Variants in XIRP2 observed in about 807,000 individuals in gnomAD.
XIRP2 encodes xin actin-binding repeat-containing protein 2.
In XIRP2, 236 loss-of-function variants were observed where a neutral mutation model predicts 277.0. That is an observed-to-expected ratio of 0.85 (90% CI 0.77 to 0.95). The LOEUF (loss-of-function observed/expected upper bound fraction) is 0.95. XIRP2 is among the 40% of genes least tolerant of loss of function. The pLI is 0.00. For synonymous variants in XIRP2, 1,490 were observed against 1,416.5 expected, an observed-to-expected ratio of 1.05 and a Z score of -1.17; for missense variants, 4,640 against 4,157.5, an observed-to-expected ratio of 1.12 and a Z score of -3.19.
chr2:167,228,053 C>T (rs1280830755), intron 5 of XIRP2, among the ~76,000 whole-genome samples: 3 of 152,108 alleles, frequency 2.0e-5, no homozygotes. Context: ...TGTAGTGAAA[C>T]TGCCTATAGT....
At chr2:166,978,994 A>G (rs1024452169) in intron 2 of XIRP2, among the ~76,000 whole-genome samples, 1 of 152,172 alleles carries the variant, frequency 6.6e-6, no homozygotes, top group Admixed American at 6.5e-5. Flanking sequence ...AAGCTTTTCC[A>G]TATTATTCTT....
chr2:167,161,321 G>A (rs1054092346), intron 3 of XIRP2, among the ~76,000 whole-genome samples: 5 of 152,236 alleles, frequency 3.3e-5, no homozygotes, highest in African/African-American at 1.2e-4. Flanking sequence ...CTCTGTGTGG[G>A]TGCTCTGATC....
intron 2 of XIRP2, among the ~76,000 whole-genome samples, chr2:167,047,568 G>T (rs1334592778): frequency 2.0e-5 from 3 of 151,854 alleles, no homozygotes; most frequent in Non-Finnish European, 4.4e-5. Flanking sequence ...AAATTATTCA[G>T]AAATATGGAG....
In XIRP2 at chr2:167,184,471, C is replaced by T. The variant is rs1693100259; in HGVS notation, c.563-26264C>T. ...ACAGAAAATAGAATTTGAGATCCCT[C>T]GCTTCTTCAGTTTTGTTGCTCCAGT... On this transcript the variant is annotated intron_variant, in intron 3 of 10. Coordinates refer to ENST00000409195, the MANE Select transcript of XIRP2 (RefSeq NM_152381.6). The T allele has an allele frequency of 2.4e-5, 16 of 671,448 alleles. 1 individual carries two copies. The South Asian group carries it at 2.5e-4, about 11-fold the overall frequency. The allele number at this position is 671,448 out of a possible 1,614,324, so 41.6% of individuals were successfully genotyped here.
At chr2:167,149,309 A>T (rs1369292182) in intron 3 of XIRP2, among the ~76,000 whole-genome samples, 1 of 152,200 alleles carries the variant, frequency 6.6e-6, no homozygotes, top group Non-Finnish European at 1.5e-5. Context: ...CATGCTTTCA[A>T]CTGGGGTCTC....
chr2:166,902,954 A>G (rs1188782982), intron 1 of XIRP2, among the ~76,000 whole-genome samples: 1 of 152,142 alleles, frequency 6.6e-6, no homozygotes, highest in Non-Finnish European at 1.5e-5. Context: ...TTGCCTGACA[A>G]CAAAAACTTA....
At chr2:167,155,751 A>G (rs10930262) in intron 3 of XIRP2, among the ~76,000 whole-genome samples, 1,873 of 151,940 alleles carry the variant, frequency 0.012, 34 homozygotes, top group South Asian at 0.062. Context: ...GGCCAGGGCA[A>G]TTAGGCAGGA....
At chr2:166,968,745 AT>A (rs981718488) in intron 2 of XIRP2, among the ~76,000 whole-genome samples, 34 of 151,380 alleles carry the variant, frequency 2.2e-4, no homozygotes, top group African/African-American at 6.8e-4. Flanking sequence ...AAAAAATTTG[AT>A]TTTTTTTTCT....
chr2:167,251,361 A>C lies in XIRP2; in HGVS notation c.9969A>C (p.Glu3323Asp), dbSNP rs113296821. 61 of 1,613,590 alleles carry C rather than the reference A, an allele frequency of 3.8e-5. 1 individual carries two copies. In the African/African-American group the frequency reaches 4.4e-4, roughly 12 times the overall value. ...CCAACCGAACTGTTCAAATGGCTGA[A>C]AATTTCGTGAATGACCCTGAAAATG... ...EAANRTVQMA[E>D]NFVNDPENEI... is the part of the protein sequence containing the mutation. Residue 3323 changes from glutamate to aspartate, a missense_variant, in exon 9 of 11, where the codon GAA becomes GAC. Glu to Asp is a conservative substitution (Grantham distance 45). Transcript: ENST00000409195.
intron 2 of XIRP2, among the ~76,000 whole-genome samples, chr2:167,092,202 A>G (rs891211017): frequency 1.3e-5 from 2 of 152,148 alleles, no homozygotes; most frequent in South Asian, 2.1e-4. Context: ...CCCATTCTAT[A>G]TATCACAATT....
intron 3 of XIRP2, among the ~76,000 whole-genome samples, chr2:167,170,850 C>G (rs1473425512): frequency 2.1e-5 from 3 of 145,074 alleles, no homozygotes; most frequent in Non-Finnish European, 4.5e-5. Context: ...TTTTACTCTT[C>G]TTTTTTCAGC....
rs184787519 is a variant in XIRP2 at position 167,173,648 on chromosome 2, A to G, written c.563-37087A>G. On this transcript the variant is annotated intron_variant, in intron 3 of 10. Transcript: ENST00000409195. ...TTCCCTTTTTTGAGGAAATATACCC[A>G]GCAGTGGGATTGTTGGATAGTATGG... is the stretch of plus-strand genomic sequence containing the variant. Among the ~76,000 whole-genome samples the G allele has an allele frequency of 2.4e-3, 365 of 152,278 alleles. 1 individual carries two copies. Among genetic ancestry groups the G allele is most frequent in the Admixed American group, 5.8e-3 (89 of 15,296 alleles).
At chr2:167,088,540 C>T (rs1476915276) in intron 2 of XIRP2, among the ~76,000 whole-genome samples, 1 of 152,116 alleles carries the variant, frequency 6.6e-6, no homozygotes, top group African/African-American at 2.4e-5. Context: ...TATCAAGCCC[C>T]AGATTTGAAA....
chr2:166,917,940 C>G (rs975018599), intron 2 of XIRP2, among the ~76,000 whole-genome samples: 2 of 152,116 alleles, frequency 1.3e-5, no homozygotes, highest in African/African-American at 4.8e-5. Flanking sequence ...TTTTCATACT[C>G]TATCAGGTTC....
At chr2:167,019,340 G>A (rs910542501) in intron 2 of XIRP2, among the ~76,000 whole-genome samples, 33 of 152,062 alleles carry the variant, frequency 2.2e-4, no homozygotes, top group East Asian at 1.7e-3. Context: ...AAAGAATAGC[G>A]ACCCCAATAA....
intron 2 of XIRP2, among the ~76,000 whole-genome samples, chr2:167,133,888 A>G (rs1189653310): frequency 6.6e-6 from 1 of 152,062 alleles, no homozygotes; most frequent in Non-Finnish European, 1.5e-5. Context: ...CAACAGCATG[A>G]TACCTCACTA....
chr2:167,242,960 A>G lies in XIRP2; in HGVS notation c.1568A>G (p.Glu523Gly). The part of the protein sequence containing the change: ...LEKDYISEVS[E>G]IVSSQMNSGS... ...AAAGATTATATCAGTGAAGTTTCTG[A>G]GATTGTTTCTAGTCAAATGAACTCA... The change falls in exon 9 of 11, where the codon GAG (glutamate) becomes GGG (glycine). Residue 523 changes from glutamate to glycine, a missense_variant. Glu to Gly is a moderately conservative substitution (Grantham distance 98, BLOSUM62 -2). Transcript: ENST00000409195. 6.2e-7 allele frequency: 1 copy of G among 1,613,854 alleles called. No homozygotes were observed. The highest frequency in any genetic ancestry group is 8.5e-7 in the Non-Finnish European group (1 of 1,179,922).
intron 4 of XIRP2, among the ~76,000 whole-genome samples, chr2:167,215,588 A>T (rs776288595): frequency 6.6e-6 from 1 of 152,170 alleles, no homozygotes; most frequent in Non-Finnish European, 1.5e-5. Context: ...AGTCCATGGT[A>T]TAGAAACCTC....
chr2:166,964,700 G>A (rs141688857), intron 2 of XIRP2, among the ~76,000 whole-genome samples: 42 of 151,930 alleles, frequency 2.8e-4, no homozygotes, highest in Non-Finnish European at 4.4e-4. Flanking sequence ...GAATTTTGTT[G>A]TATTTGTATA....
Sources: allele counts gnomAD v4.1 joint callset (sites outside exome capture counted in the v4.1 genomes callset), GRCh38; gene constraint gnomAD v4.1.1; transcripts MANE v1.5; gene names NCBI Gene and HGNC (gene_info 2026-07-23, HGNC 2026-07-21).